The following GATA4 variants were observed in gnomAD, a reference collection of about 807,000 sequenced individuals.
GATA4 encodes the protein GATA binding protein 4.
Under a neutral mutation model 37.9 loss-of-function variants are expected in GATA4, and 7 were observed. That is an observed-to-expected ratio of 0.18 (90% CI 0.11 to 0.35). The LOEUF (loss-of-function observed/expected upper bound fraction) is 0.35, where lower values mean the gene tolerates loss of function less well. Among genes scored for constraint, GATA4 ranks in the 10% least tolerant of loss-of-function variants. GATA4 has a pLI of 1.00. For missense variants in GATA4, 647 were observed against 653.0 expected (o/e 0.99, Z 0.10); for synonymous variants, 372 against 292.6 (o/e 1.27, Z -2.77).
Position 11,749,119 on chromosome 8 carries a change from C to T in GATA4, c.786+34C>T, listed in dbSNP as rs768691023. On this transcript the variant is annotated intron_variant, in intron 3 of 6. Transcript: ENST00000532059. The surrounding 1 kb of genome is among the most constrained non-coding windows in gnomAD (Gnocchi z 4.6). ...GTGCCTCGCAGCCTCCTCTGGGCAC[C>T]TGGCTGCGGAGCTCTCGCCTTGGTG... 6.2e-7 allele frequency: 1 copy of T among 1,609,848 alleles called. No homozygotes were observed. Among genetic ancestry groups the T allele is most frequent in the Non-Finnish European group, 8.5e-7 (1 of 1,177,262 alleles).
At chr8:11,743,219 C>T (rs938687627) in intron 2 of GATA4, among the ~76,000 whole-genome samples, 4 of 152,246 alleles carry the variant, frequency 2.6e-5, no homozygotes, top group African/African-American at 9.6e-5. Context: ...GTTGTGCATC[C>T]CCAGCTAGAC....
At chr8:11,687,669 A>G (rs1799181753), upstream of GATA4, among the ~76,000 whole-genome samples, 1 of 152,180 alleles carries the variant, frequency 6.6e-6, no homozygotes, top group Non-Finnish European at 1.5e-5. Flanking sequence ...AAGTAACAGA[A>G]TTGAACTCAA....
chr8:11,716,009 C>T (rs1463795917), intron 2 of GATA4, among the ~76,000 whole-genome samples: 1 of 152,112 alleles, frequency 6.6e-6, no homozygotes, highest in African/African-American at 2.4e-5. Flanking sequence ...AACATAATGT[C>T]TTCATGATTC....
At chr8:11,687,492 A>C (rs888181105) in intron 1 of GATA4, among the ~76,000 whole-genome samples, 1 of 152,172 alleles carries the variant, frequency 6.6e-6, no homozygotes, top group African/African-American at 2.4e-5. Context: ...CTCATCTGTG[A>C]GTTGGGGGCA....
At chr8:11,704,678 A>T (rs1799813750) in intron 1 of GATA4, among the ~76,000 whole-genome samples, 1 of 152,174 alleles carries the variant, frequency 6.6e-6, no homozygotes, top group Non-Finnish European at 1.5e-5. Context: ...CGGGCCCGGG[A>T]CAGGCTGCAC....
intron 2 of GATA4, among the ~76,000 whole-genome samples, chr8:11,741,211 C>T (rs1186057384): frequency 6.6e-6 from 1 of 152,092 alleles, no homozygotes; most frequent in Non-Finnish European, 1.5e-5. Context: ...GAAGTGGTGG[C>T]TCATGCCTGT....
At chr8:11,696,296 C>T (rs568233880) in intron 1 of GATA4, among the ~76,000 whole-genome samples, 1 of 152,248 alleles carries the variant, frequency 6.6e-6, no homozygotes, top group East Asian at 1.9e-4. Flanking sequence ...CTCCTCAGCC[C>T]CTGGCAACCT....
chr8:11,712,358 A>T (rs1165018092), intron 2 of GATA4, among the ~76,000 whole-genome samples: 7 of 152,202 alleles, frequency 4.6e-5, no homozygotes, highest in Non-Finnish European at 1.0e-4. Context: ...TGAGCTGAGA[A>T]CAAAGAAGAA....
intron 2 of GATA4, among the ~76,000 whole-genome samples, chr8:11,738,418 C>T (rs1486360158): frequency 6.6e-6 from 1 of 152,074 alleles, no homozygotes; most frequent in East Asian, 1.9e-4. Flanking sequence ...AAGAGAATAT[C>T]AATGTAATGT....
Position 11,758,465 on chromosome 8 carries a change from T to A in GATA4, c.1322T>A (p.Ile441Asn). 6.2e-7 allele frequency: 1 copy of A among 1,614,166 alleles called. No homozygotes were observed. ...TTGGCCGACAGTCACGGGGACATAA[T>A]CACTGCGTAATCTTCCCTCTTCCCT... ...LVLADSHGDIITA is the reference protein window; with the variant it reads ...LVLADSHGDINTA The change falls in exon 7 of 7, where the codon ATC becomes AAC. Residue 441 changes from isoleucine to asparagine, a missense_variant. By Grantham distance (149) the Ile-to-Asn change is moderately radical. This residue lies in a region of GATA4 where 184 missense variants were observed against 157.1 expected (regional missense o/e 1.17). Coordinates refer to ENST00000532059, the MANE Select transcript of GATA4 (RefSeq NM_001308093.3).
At chr8:11,723,348 A>C (rs1054942285) in intron 2 of GATA4, among the ~76,000 whole-genome samples, 1 of 152,076 alleles carries the variant, frequency 6.6e-6, no homozygotes, top group Non-Finnish European at 1.5e-5. Flanking sequence ...GTTAAAAAAA[A>C]AAAACAAAAA....
intron 1 of GATA4, among the ~76,000 whole-genome samples, chr8:11,686,541 C>T (rs935184684): frequency 3.9e-5 from 6 of 152,090 alleles, no homozygotes; most frequent in African/African-American, 1.2e-4. Context: ...TCATCTCTTC[C>T]CTTCTTCATC....
At chr8:11,680,559 C>G in intron 1 of GATA4, 4 of 985,394 alleles carry the variant, frequency 4.1e-6, no homozygotes, top group Non-Finnish European at 4.8e-6. Flanking sequence ...TGGTCGCACG[C>G]TGGTGGGCCA....
At chr8:11,743,687 C>G (rs918068295) in intron 2 of GATA4, among the ~76,000 whole-genome samples, 1 of 152,198 alleles carries the variant, frequency 6.6e-6, no homozygotes, top group African/African-American at 2.4e-5. Context: ...TGGAGCAGGT[C>G]AGAGGAGAGG....
chr8:11,693,013 C>G (rs760302963), intron 1 of GATA4: 2 of 985,230 alleles, frequency 2.0e-6, no homozygotes, highest in African/African-American at 3.5e-5. Context: ...GGCCGCGCAC[C>G]GAGGCTTCTG....
At chr8:11,686,772 G>A (rs914430460) in intron 1 of GATA4, among the ~76,000 whole-genome samples, 1 of 152,170 alleles carries the variant, frequency 6.6e-6, no homozygotes. Flanking sequence ...GGCCGAGGCG[G>A]TCAGATCACG....
At position 11,709,761 on chromosome 8, in the gene GATA4, G is replaced by A. The variant is rs1342112124; in HGVS notation, c.616+833G>A. Among the ~76,000 whole-genome samples, 1 of 152,218 alleles carries A rather than the reference G, an allele frequency of 6.6e-6. No individual in the cohort carries two copies. The highest frequency in any genetic ancestry group is 1.5e-5 in the Non-Finnish European group (1 of 68,038). ...GTTCCATGCAGTGTTTCCATCGGAT[G>A]TCAGACGGGGAGGGACGGCAAACCT... On this transcript the variant is annotated intron_variant, in intron 2 of 6. Transcript: ENST00000532059. The surrounding 1 kb of genome is among the most constrained non-coding windows in gnomAD (Gnocchi z 4.3).
chr8:11,749,551 A>AG lies in GATA4; in HGVS notation c.786+469dup, dbSNP rs1290988882. ...GCAGCTTGTGTTGGGCCCCGTGGCT[A>AG]GGGAAGAGTTTGGGCCTGGGGCTTG... On this transcript the variant is annotated intron_variant, in intron 3 of 6. Transcript: ENST00000532059. The surrounding 1 kb of genome is among the most constrained non-coding windows in gnomAD (Gnocchi z 4.6). Among the ~76,000 whole-genome samples, 1 of 152,210 alleles carries AG rather than the reference A, an allele frequency of 6.6e-6. No individual in the cohort carries two copies. Among genetic ancestry groups the AG allele is most frequent in the Non-Finnish European group, 1.5e-5 (1 of 68,032 alleles).
chr8:11,720,503 A>G (rs1433297222), intron 2 of GATA4, among the ~76,000 whole-genome samples: 1 of 152,012 alleles, frequency 6.6e-6, no homozygotes, highest in East Asian at 1.9e-4. Flanking sequence ...TACATAGGTA[A>G]ACTCGTGTCA....
Sources: gnomAD v4.1 joint callset for allele counts (sites outside exome capture counted in the v4.1 genomes callset) on GRCh38, gnomAD v4.1.1 for gene constraint, gnomAD v4.1.1 regional missense constraint, Gnocchi (gnomAD v3.1) non-coding constraint, MANE v1.5 for transcripts, NCBI Gene and HGNC (gene_info 2026-07-23, HGNC 2026-07-21) for gene names.